The following PTP4A2 variants were observed in gnomAD, a reference collection of about 807,000 sequenced individuals.
The protein encoded by PTP4A2 is protein tyrosine phosphatase 4A2.
A neutral mutation model predicts 22.9 loss-of-function variants in PTP4A2; 2 were observed. The ratio of observed to expected loss-of-function variants is 0.09; its 90% CI spans 0.04 to 0.27. The LOEUF is 0.27. Among genes scored for constraint, PTP4A2 ranks in the 10% least tolerant of loss-of-function variants. The probability of loss-of-function intolerance (pLI) is 1.00; values close to 1 mark genes in which losing one functional copy is unlikely to be tolerated. For missense variants in PTP4A2, 103 were observed against 205.1 expected (o/e 0.50, Z 3.04); for synonymous variants, 68 against 69.1 (o/e 0.98, Z 0.08).
chr1:31,923,159 T>C (rs749678785), intron 1 of PTP4A2, among the ~76,000 whole-genome samples: 2 of 151,890 alleles, frequency 1.3e-5, no homozygotes, highest in Non-Finnish European at 2.9e-5. Context: ...TCTGCCCACC[T>C]TGGCCTCCCA....
chr1:31,909,530 G>A (rs1248185844), intron 5 of PTP4A2, among the ~76,000 whole-genome samples: 3 of 152,038 alleles, frequency 2.0e-5, no homozygotes, highest in Admixed American at 6.6e-5. Context: ...AAATTAGCTG[G>A]GCGTGGTGGT....
chr1:31,916,209 G>A (rs909176942), intron 2 of PTP4A2, among the ~76,000 whole-genome samples: 5 of 151,506 alleles, frequency 3.3e-5, no homozygotes, highest in Non-Finnish European at 7.4e-5. Context: ...GCTGAGTGTG[G>A]TGGTGCGGGC....
At position 31,919,099 on chromosome 1, in the gene PTP4A2, G is replaced by A; in HGVS notation, c.-34C>T. On this transcript the variant is annotated 5_prime_UTR_variant, in exon 2 of 6. Transcript: ENST00000647444. ...ATAAAAAGTGTGAGCGTGCGTGTGA[G>A]TGTGATGGGGAAAGTGAAAAAAAAA... 9.5e-7 allele frequency: 1 copy of A among 1,055,990 alleles called. No homozygotes were observed. Among genetic ancestry groups the A allele is most frequent in the Non-Finnish European group, 1.5e-6 (1 of 689,640 alleles). 65.4% of individuals were successfully genotyped at this position (1,055,990 alleles called of 1,614,324 possible).
At chr1:31,918,907 G>T (rs938411285) in intron 2 of PTP4A2, 63 bp downstream of exon 2, 37 of 981,092 alleles carry the variant, frequency 3.8e-5, no homozygotes, top group Middle Eastern at 2.1e-4. Context: ...TGTGCTAAGA[G>T]AATTTTTTAA....
chr1:31,923,200 C>T (rs1158397136), intron 1 of PTP4A2, among the ~76,000 whole-genome samples: 1 of 151,870 alleles, frequency 6.6e-6, no homozygotes, highest in Non-Finnish European at 1.5e-5. Flanking sequence ...TGAGCCACCA[C>T]ACCCAGCCTC....
Position 31,923,495 on chromosome 1 carries a change from C to T in PTP4A2, c.-593-3837G>A, listed in dbSNP as rs1037727747. ...GACTACAGGCGCCCGCTACCACGCC[C>T]GGCTAATTTTTTGTATTTTTAGTAG... On this transcript the variant is annotated intron_variant, in intron 1 of 5. Coordinates refer to ENST00000647444, the MANE Select transcript of PTP4A2 (RefSeq NM_080391.4). Among the ~76,000 whole-genome samples the T allele has an allele frequency of 1.3e-4, 20 of 151,438 alleles. No homozygotes were observed. In the East Asian group the frequency reaches 3.5e-3, roughly 27 times the overall value.
Position 31,926,150 on chromosome 1 carries a change from AT to A in PTP4A2, c.-593-6493del, listed in dbSNP as rs1164768838. Among the ~76,000 whole-genome samples the A allele has an allele frequency of 2.7e-3, 300 of 109,524 alleles. 3 individuals carry two copies. Among genetic ancestry groups the A allele is most frequent in the South Asian group, 6.3e-3 (14 of 2,218 alleles). 71.9% of individuals were successfully genotyped at this position (109,524 alleles called of 152,430 possible). On this transcript the variant is annotated intron_variant, in intron 1 of 5. Transcript: ENST00000647444. ...TTCAAAAAATTAAAAAAAAAAAAAA[AT>A]ATATATATATATATATATTTATCTC...
chr1:31,928,474 C>A (rs201420616), intron 1 of PTP4A2, among the ~76,000 whole-genome samples: 2 of 151,360 alleles, frequency 1.3e-5, no homozygotes, highest in African/African-American at 2.4e-5. Flanking sequence ...CCAAGATGGG[C>A]GGATCACCTG....
intron 3 of PTP4A2, among the ~76,000 whole-genome samples, chr1:31,913,174 A>C (rs1486637168): frequency 6.6e-6 from 1 of 152,214 alleles, no homozygotes; most frequent in African/African-American, 2.4e-5. Context: ...TCTGGTTTGC[A>C]AGAGCATTCA....
intron 1 of PTP4A2, among the ~76,000 whole-genome samples, chr1:31,928,063 T>C (rs1373240752): frequency 6.6e-6 from 1 of 151,518 alleles, no homozygotes; most frequent in Non-Finnish European, 1.5e-5. Flanking sequence ...ACAACAGTTC[T>C]ATCTATCCTC....
Position 31,910,030 on chromosome 1 carries a change from A to C in PTP4A2, c.395+8T>G, listed in dbSNP as rs148196214. The C allele has an allele frequency of 1.2e-5, 19 of 1,603,252 alleles. No individual in the cohort carries two copies. Among genetic ancestry groups the C allele is most frequent in the Admixed American group, 5.0e-5 (3 of 59,936 alleles). ...CTGTGTTTCTGAACACAAAAACTTC[A>C]TACTCACTGTCTTATAAACTGAACT... is the stretch of plus-strand genomic sequence containing the variant. On this transcript the variant is annotated splice_region_variant and intron_variant, in intron 5 of 5. Coordinates refer to ENST00000647444, the MANE Select transcript of PTP4A2 (RefSeq NM_080391.4).
rs192942997 is a variant in PTP4A2 at position 31,936,495 on chromosome 1, G to C, written c.-594+1492C>G. 1.6e-3 allele frequency among the ~76,000 whole-genome samples: 248 copies of C among 152,006 alleles called. 2 individuals carry two copies. The highest frequency in any genetic ancestry group is 4.3e-4 in the Non-Finnish European group (29 of 68,014). ...TATCGCTTCTCGGCCTTTTGGCTAA[G>C]ATCAAGTGAAAGACTACCAACTTCT... is the stretch of plus-strand genomic sequence containing the variant. On this transcript the variant is annotated intron_variant, in intron 1 of 5. Transcript: ENST00000647444.
intron 1 of PTP4A2, among the ~76,000 whole-genome samples, chr1:31,920,387 G>A (rs1356280111): frequency 6.6e-6 from 1 of 151,456 alleles, no homozygotes; most frequent in East Asian, 2.0e-4. Flanking sequence ...AGGTTGCAGT[G>A]AGCTGAGATT....
At chr1:31,931,868 C>T (rs893934568) in intron 1 of PTP4A2, among the ~76,000 whole-genome samples, 2 of 152,178 alleles carry the variant, frequency 1.3e-5, no homozygotes, top group Non-Finnish European at 2.9e-5. Context: ...ACTAACCAGT[C>T]ACTCCATCCC....
chr1:31,935,805 T>A (rs929049041), intron 1 of PTP4A2: 1 of 152,184 alleles, frequency 6.6e-6, no homozygotes, highest in Non-Finnish European at 1.5e-5. Flanking sequence ...CCTCACTGAA[T>A]AGTAACAATA....
In PTP4A2 at chr1:31,908,646, T is replaced by G; in HGVS notation, c.*206A>C. The G allele has an allele frequency of 2.6e-6, 1 of 389,706 alleles. No individual in the cohort carries two copies. The highest frequency in any genetic ancestry group is 4.6e-6 in the Non-Finnish European group (1 of 219,042). The allele number at this position is 389,706 out of a possible 1,614,324, so 24.1% of individuals were successfully genotyped here. A position where few individuals can be genotyped will look rare whatever the true frequency, so the allele number is the denominator to read the frequency against. On this transcript the variant is annotated 3_prime_UTR_variant, in exon 6 of 6. Coordinates refer to ENST00000647444, the MANE Select transcript of PTP4A2 (RefSeq NM_080391.4). ...TCCTTCACTGAATTAATTCCTTTTC[T>G]CTTTCTCTTTTCTTAAACATTTTAT... is the stretch of plus-strand genomic sequence containing the variant.
chr1:31,907,352 T>G lies in PTP4A2; in HGVS notation c.*1500A>C, dbSNP rs956325209. 5.3e-5 allele frequency: 8 copies of G among 152,238 alleles called. No homozygotes were observed. Among genetic ancestry groups the G allele is most frequent in the African/African-American group, 1.9e-4 (8 of 41,458 alleles). The allele number at this position is 152,238 out of a possible 1,614,324, so 9.4% of individuals were successfully genotyped here. On this transcript the variant is annotated 3_prime_UTR_variant, in exon 6 of 6. Transcript: ENST00000647444. ...CTCTACCTGCTTTGTCCATGCAGCCTGATCATAACTGCCTTCCACAAAGGA... is the reference window on the plus strand; with the variant it reads ...CTCTACCTGCTTTGTCCATGCAGCCGGATCATAACTGCCTTCCACAAAGGA...
chr1:31,911,552 G>T, intron 4 of PTP4A2, 144 bp downstream of exon 4: 1 of 741,656 alleles, frequency 1.3e-6, no homozygotes, highest in Non-Finnish European at 1.9e-6. Context: ...CATTACACTA[G>T]TTTTTCCTCT....
intron 5 of PTP4A2, among the ~76,000 whole-genome samples, chr1:31,909,505 C>A (rs1297955546): frequency 1.3e-5 from 2 of 151,968 alleles, no homozygotes; most frequent in African/African-American, 4.8e-5. Flanking sequence ...GAAACCCCGT[C>A]TACTAAAAAT....
Sources: allele counts gnomAD v4.1 joint callset (sites outside exome capture counted in the v4.1 genomes callset), GRCh38; gene constraint gnomAD v4.1.1; transcripts MANE v1.5; gene names NCBI Gene and HGNC (gene_info 2026-07-23, HGNC 2026-07-21).